Variants in FBXO31 observed in about 807,000 individuals in gnomAD.
FBXO31 encodes the protein F-box protein 31.
FBXO31 carries 24 observed loss-of-function variants against 54.4 expected under a neutral mutation model. The ratio of observed to expected loss-of-function variants is 0.44; its 90% confidence interval spans 0.32 to 0.62. The LOEUF (loss-of-function observed/expected upper bound fraction) is 0.62. FBXO31 is among the 20% of genes least tolerant of loss of function. The pLI is 0.05. For synonymous variants in FBXO31, 388 were observed against 335.6 expected, an observed-to-expected ratio of 1.16 and a Z score of -1.71; for missense variants, 665 against 787.1, an observed-to-expected ratio of 0.84 and a Z score of 1.86.
chr16:87,371,728 T>C (rs990977756), intron 1 of FBXO31, among the ~76,000 whole-genome samples: 1 of 152,234 alleles, frequency 6.6e-6, no homozygotes, highest in South Asian at 2.1e-4. Flanking sequence ...GACCCTCAGA[T>C]GCATTACGTC....
At chr16:87,368,310 T>C (rs576779244) in intron 1 of FBXO31, among the ~76,000 whole-genome samples, 3 of 152,212 alleles carry the variant, frequency 2.0e-5, no homozygotes, top group Non-Finnish European at 4.4e-5. Flanking sequence ...TTCCACATGA[T>C]GAAAAAAGTC....
chr16:87,339,660 G>T (rs1340245211), intron 5 of FBXO31, among the ~76,000 whole-genome samples: 4 of 152,206 alleles, frequency 2.6e-5, no homozygotes, highest in African/African-American at 9.6e-5. Context: ...GTCGGATGGG[G>T]GTGTGGACAT....
chr16:87,383,337 C>T lies in FBXO31; in HGVS notation c.340+68G>A, dbSNP rs1251800098. 1.5e-6 allele frequency: 2 copies of T among 1,369,996 alleles called. No individual in the cohort carries two copies. The highest frequency in any genetic ancestry group is 3.1e-5 in the African/African-American group (2 of 65,518). 84.9% of individuals were successfully genotyped at this position (1,369,996 alleles called of 1,614,324 possible). ...CCGGGGCCACCGCCCCCGCCACTCC[C>T]AGCTCCGAGGCCTCCACCTGGCAGG... is the stretch of plus-strand genomic sequence containing the variant. On this transcript the variant is annotated intron_variant, in intron 1 of 8. Coordinates refer to ENST00000311635, the MANE Select transcript of FBXO31 (RefSeq NM_024735.5). This position sits in a 1 kb window ranked among gnomAD's most constrained non-coding sequence, Gnocchi z 4.9.
At chr16:87,373,173 C>T (rs1328920221) in intron 1 of FBXO31, among the ~76,000 whole-genome samples, 4 of 151,966 alleles carry the variant, frequency 2.6e-5, no homozygotes, top group East Asian at 2.0e-4. Flanking sequence ...TGAAGCTGGC[C>T]GGGCACAGTG....
intron 5 of FBXO31, among the ~76,000 whole-genome samples, chr16:87,342,131 T>C (rs989049327): frequency 1.3e-5 from 2 of 152,140 alleles, no homozygotes; most frequent in African/African-American, 4.8e-5. Flanking sequence ...GGTGGTGCGC[T>C]CATAGCTCAC....
intron 5 of FBXO31, among the ~76,000 whole-genome samples, chr16:87,337,507 G>A (rs766654106): frequency 1.2e-4 from 18 of 152,220 alleles, no homozygotes; most frequent in Admixed American, 2.6e-4. Context: ...GCAAACGGGA[G>A]GACCAGGCTG....
rs377627197 is a variant in FBXO31, at chr16:87,347,597, A to G, written c.413-347T>C. Reference sequence around the variant, plus strand: ...TGGGAGGCTGAGGCAGGAGAATGGCATGAACCTGGGAGGTGGAGCTTGCAG... The same window carrying G: ...TGGGAGGCTGAGGCAGGAGAATGGCGTGAACCTGGGAGGTGGAGCTTGCAG... On this transcript the variant is annotated intron_variant, in intron 2 of 8. Transcript: ENST00000311635. Among the ~76,000 whole-genome samples, 1,032 of 150,214 alleles carry G rather than the reference A, an allele frequency of 6.9e-3. 8 individuals carry two copies. Among genetic ancestry groups the G allele is most frequent in the African/African-American group, 0.024 (969 of 40,748 alleles).
intron 5 of FBXO31, 52 bp downstream of exon 5, chr16:87,342,825 G>A (rs1315115959): frequency 6.7e-7 from 1 of 1,494,780 alleles, no homozygotes; most frequent in Non-Finnish European, 9.1e-7. Context: ...TTTCCCCGTG[G>A]GGAAAGGAAA....
chr16:87,384,567 T>A (rs1907259475), upstream of FBXO31, among the ~76,000 whole-genome samples: 1 of 152,294 alleles, frequency 6.6e-6, no homozygotes, highest in African/African-American at 2.4e-5. Context: ...AGCGGGGTCG[T>A]CTCCCAGGTC....
chr16:87,375,220 T>G (rs1017668541), intron 1 of FBXO31, among the ~76,000 whole-genome samples: 1 of 152,104 alleles, frequency 6.6e-6, no homozygotes, highest in Non-Finnish European at 1.5e-5. Flanking sequence ...GGCAGGAGAA[T>G]GGCGTGAACC....
intron 1 of FBXO31, among the ~76,000 whole-genome samples, chr16:87,376,825 T>C (rs1413026071): frequency 6.6e-6 from 1 of 152,250 alleles, no homozygotes; most frequent in Non-Finnish European, 1.5e-5. Context: ...TCACTTGAAC[T>C]GGCCTGCCCT....
intron 1 of FBXO31, among the ~76,000 whole-genome samples, chr16:87,369,763 G>A (rs1229693234): frequency 1.3e-5 from 2 of 152,198 alleles, no homozygotes; most frequent in South Asian, 4.1e-4. Flanking sequence ...TTTCCACAGC[G>A]TGACTATTTT....
Position 87,360,383 on chromosome 16 carries a change from T to G in FBXO31, c.341-17A>C, listed in dbSNP as rs1192383480. On this transcript the variant is annotated splice_polypyrimidine_tract_variant and intron_variant, in intron 1 of 8. Coordinates refer to ENST00000311635, the MANE Select transcript of FBXO31 (RefSeq NM_024735.5). ...CACCATACTCTGTAACAAGAAACAT[T>G]TGCAGAAATTTAAGATCAACAACTC... 6.2e-7 allele frequency: 1 copy of G among 1,613,192 alleles called. No homozygotes were observed. The highest frequency in any genetic ancestry group is 8.5e-7 in the Non-Finnish European group (1 of 1,179,482).
rs925996040 is a variant in FBXO31, at chr16:87,345,461, C to G, written c.490-1696G>C. The stretch of plus-strand genomic sequence containing the variant: ...CCTCCTCACCCCACAGGGACACCTG[C>G]AAATACCAAGAAAAGTCAGACAACT... On this transcript the variant is annotated intron_variant, in intron 3 of 8. Transcript: ENST00000311635. The surrounding 1 kb of genome is among the most constrained non-coding windows in gnomAD (Gnocchi z 4.9). Among the ~76,000 whole-genome samples, 1 of 152,188 alleles carries G rather than the reference C, an allele frequency of 6.6e-6. No homozygotes were observed. The highest frequency in any genetic ancestry group is 1.5e-5 in the Non-Finnish European group (1 of 68,032).
In FBXO31 at chr16:87,336,015, C is replaced by A; in HGVS notation, c.842+140G>T. The A allele has an allele frequency of 1.6e-6, 1 of 644,690 alleles. No homozygotes were observed. The highest frequency in any genetic ancestry group is 1.9e-5 in the South Asian group (1 of 51,300). The allele number at this position is 644,690 out of a possible 1,614,324, so 39.9% of individuals were successfully genotyped here. On this transcript the variant is annotated intron_variant, in intron 6 of 8. Transcript: ENST00000311635. This position sits in a 1 kb window ranked among gnomAD's most constrained non-coding sequence, Gnocchi z 6.5. ...CCCAGAGAGAGAGGGGCTGTACTCC[C>A]AGCCCCCAGCAGGAGAGAGGGCTGA... is the stretch of plus-strand genomic sequence containing the variant.
At chr16:87,380,339 T>C (rs1907022657) in intron 1 of FBXO31, among the ~76,000 whole-genome samples, 1 of 150,750 alleles carries the variant, frequency 6.6e-6, no homozygotes, top group Non-Finnish European at 1.5e-5. Flanking sequence ...AAAGCAAATA[T>C]GACAAATGAT....
chr16:87,380,925 T>C (rs1292327713), intron 1 of FBXO31, among the ~76,000 whole-genome samples: 2 of 152,240 alleles, frequency 1.3e-5, no homozygotes, highest in African/African-American at 2.4e-5. Flanking sequence ...TTTGAATTTT[T>C]GATTACACAA....
Position 87,365,010 on chromosome 16 carries a change from A to AAAATATATAT in FBXO31, c.341-4645_341-4644insATATATATTT, listed in dbSNP as rs1233086176. ...TGACAGAGCGAGACCCCGTCTCTTA[A>AAAATATATAT]ATATATATATATATATATATATATA... On this transcript the variant is annotated intron_variant, in intron 1 of 8. Transcript: ENST00000311635. 1.5e-4 allele frequency among the ~76,000 whole-genome samples: 7 copies of AAAATATATAT among 47,684 alleles called. 1 individual carries two copies. Among genetic ancestry groups the AAAATATATAT allele is most frequent in the African/African-American group, 5.1e-4 (5 of 9,790 alleles). The allele number at this position is 47,684 out of a possible 152,430, so 31.3% of individuals were successfully genotyped here.
At chr16:87,355,405 C>G (rs1336455424) in intron 2 of FBXO31, among the ~76,000 whole-genome samples, 1 of 152,168 alleles carries the variant, frequency 6.6e-6, no homozygotes, top group Non-Finnish European at 1.5e-5. Context: ...CTAAGAGCAG[C>G]TGAATACTGA....
Sources: allele counts gnomAD v4.1 joint callset (sites outside exome capture counted in the v4.1 genomes callset), GRCh38; gene constraint gnomAD v4.1.1; non-coding constraint Gnocchi (gnomAD v3.1); transcripts MANE v1.5; gene names NCBI Gene and HGNC (gene_info 2026-07-23, HGNC 2026-07-21).